The following LPP variants were observed in gnomAD, a reference collection of about 807,000 sequenced individuals.
The protein encoded by LPP is lipoma-preferred partner.
In LPP, 38 loss-of-function variants were observed where a neutral mutation model predicts 60.4. The ratio of observed to expected loss-of-function variants is 0.63; its 90% CI spans 0.49 to 0.83. LPP has a LOEUF of 0.83. Among genes scored for constraint, LPP ranks in the 40% least tolerant of loss-of-function variants. The pLI, the probability that LPP is intolerant of heterozygous loss-of-function variation, is 0.00. For missense variants in LPP, 902 were observed against 783.6 expected (o/e 1.15, Z -1.80); for synonymous variants, 328 against 290.8 (o/e 1.13, Z -1.30).
intron 5 of LPP, among the ~76,000 whole-genome samples, chr3:188,514,373 T>G (rs925782504): frequency 6.6e-6 from 1 of 152,202 alleles, no homozygotes; most frequent in Admixed American, 6.5e-5. Context: ...TAATTAACCA[T>G]GTACATCATC....
At chr3:188,436,491 G>A (rs116463716) in intron 4 of LPP, among the ~76,000 whole-genome samples, 2,436 of 152,116 alleles carry the variant, frequency 0.016, 13 homozygotes, top group Non-Finnish European at 0.025. Flanking sequence ...TTTGCATTTC[G>A]TGAACAACTC....
At chr3:188,262,452 T>G (rs1733998382) in intron 2 of LPP, among the ~76,000 whole-genome samples, 1 of 152,142 alleles carries the variant, frequency 6.6e-6, no homozygotes, top group Non-Finnish European at 1.5e-5. Context: ...TGTGACATTT[T>G]ATTTGTAGAA....
At chr3:188,598,095 C>T (rs1291556977) in intron 6 of LPP, among the ~76,000 whole-genome samples, 4 of 151,980 alleles carry the variant, frequency 2.6e-5, no homozygotes, top group Admixed American at 6.6e-5. Context: ...TTAGAAGTTG[C>T]GAGATGGAAG....
At chr3:188,497,776 G>C (rs1383959005) in intron 5 of LPP, among the ~76,000 whole-genome samples, 1 of 152,162 alleles carries the variant, frequency 6.6e-6, no homozygotes, top group Non-Finnish European at 1.5e-5. Context: ...CATTTTATAA[G>C]TAGAGATGTG....
chr3:188,555,235 A>C (rs1829195404), intron 6 of LPP, among the ~76,000 whole-genome samples: 1 of 152,068 alleles, frequency 6.6e-6, no homozygotes, highest in Non-Finnish European at 1.5e-5. Context: ...ATCCCAAGGA[A>C]GTGAGGAAAA....
intron 7 of LPP, among the ~76,000 whole-genome samples, chr3:188,647,387 GA>G (rs895899264): frequency 2.0e-4 from 29 of 147,986 alleles, no homozygotes; most frequent in South Asian, 4.3e-4. Context: ...TTCATTAGTT[GA>G]AAAAAAAAAA....
intron 9 of LPP, among the ~76,000 whole-genome samples, chr3:188,784,308 T>C (rs1398567709): frequency 7.0e-6 from 1 of 142,686 alleles, no homozygotes; most frequent in Non-Finnish European, 1.5e-5. Context: ...TTCCATCATA[T>C]ATATATATTC....
At chr3:188,751,307 G>C (rs1485352737) in intron 8 of LPP, among the ~76,000 whole-genome samples, 1 of 152,166 alleles carries the variant, frequency 6.6e-6, no homozygotes, top group African/African-American at 2.4e-5. Context: ...AGAGATCACG[G>C]AGCAGATTCA....
intron 9 of LPP, among the ~76,000 whole-genome samples, chr3:188,814,590 T>C (rs555488085): frequency 2.0e-5 from 3 of 152,356 alleles, no homozygotes; most frequent in African/African-American, 7.2e-5. Context: ...CTAAGTCAAA[T>C]GCTATTAAAA....
chr3:188,860,011 A>C (rs149296908), intron 9 of LPP, among the ~76,000 whole-genome samples: 3 of 152,292 alleles, frequency 2.0e-5, no homozygotes, highest in African/African-American at 7.2e-5. Context: ...CACACATTAC[A>C]TGCAGATACA....
chr3:188,202,356 G>T (rs1367823701), intron 1 of LPP, among the ~76,000 whole-genome samples: 1 of 152,136 alleles, frequency 6.6e-6, no homozygotes, highest in Admixed American at 6.5e-5. Flanking sequence ...GCACAGTGGC[G>T]TGCCACACAG....
intron 8 of LPP, among the ~76,000 whole-genome samples, chr3:188,739,137 G>A (rs539462046): frequency 3.9e-5 from 6 of 152,200 alleles, no homozygotes; most frequent in African/African-American, 1.4e-4. Flanking sequence ...GTAATAATTT[G>A]AAGAAGGAAG....
chr3:188,625,615 T>C (rs1846693904), intron 7 of LPP, among the ~76,000 whole-genome samples: 1 of 152,174 alleles, frequency 6.6e-6, no homozygotes, highest in Non-Finnish European at 1.5e-5. Flanking sequence ...GAATCAACAA[T>C]ATGAAATATG....
intron 9 of LPP, among the ~76,000 whole-genome samples, chr3:188,832,295 G>C (rs1757326146): frequency 6.6e-6 from 1 of 152,144 alleles, no homozygotes; most frequent in African/African-American, 2.4e-5. Context: ...AAGGAGCTGT[G>C]AGCAACCTTT....
intron 1 of LPP, among the ~76,000 whole-genome samples, chr3:188,156,808 G>T (rs1716584777): frequency 6.6e-6 from 1 of 151,414 alleles, no homozygotes; most frequent in Admixed American, 6.6e-5. Flanking sequence ...TTGCACTCTA[G>T]CCTGGGTGAC....
At chr3:188,554,861 G>A (rs188547128) in intron 6 of LPP, among the ~76,000 whole-genome samples, 1 of 152,284 alleles carries the variant, frequency 6.6e-6, no homozygotes, top group Non-Finnish European at 1.5e-5. Context: ...TATAGAGGGT[G>A]AGGGTACAGC....
At chr3:188,391,912 C>T (rs1158244698) in intron 3 of LPP, among the ~76,000 whole-genome samples, 1 of 152,082 alleles carries the variant, frequency 6.6e-6, no homozygotes, top group Non-Finnish European at 1.5e-5. Context: ...ACAGGGCAAA[C>T]AGCAGAAACA....
At chr3:188,561,154 AT>A (rs771227475) in intron 6 of LPP, among the ~76,000 whole-genome samples, 1 of 152,104 alleles carries the variant, frequency 6.6e-6, no homozygotes, top group Non-Finnish European at 1.5e-5. Context: ...AGCCTGTAGG[AT>A]CTACATTCTC....
At chr3:188,745,789 G>A (rs1725963487) in intron 8 of LPP, among the ~76,000 whole-genome samples, 1 of 152,094 alleles carries the variant, frequency 6.6e-6, no homozygotes, top group Non-Finnish European at 1.5e-5. Context: ...TGTTGGTGGG[G>A]ATCAATAGAG....
Sources: allele counts gnomAD v4.1 joint callset (sites outside exome capture counted in the v4.1 genomes callset), GRCh38; gene constraint gnomAD v4.1.1; transcripts MANE v1.5; gene names NCBI Gene and HGNC (gene_info 2026-07-23, HGNC 2026-07-21).